Variants in CACNB3 observed in about 807,000 individuals in gnomAD.
CACNB3 encodes calcium voltage-gated channel auxiliary subunit beta 3.
CACNB3 carries 36 observed loss-of-function variants against 63.7 expected under a neutral mutation model. The ratio of observed to expected loss-of-function variants is 0.57; its 90% CI spans 0.43 to 0.75. The LOEUF (loss-of-function observed/expected upper bound fraction) is 0.75, where lower values mean the gene tolerates loss of function less well. Among genes scored for constraint, CACNB3 ranks in the 30% least tolerant of loss-of-function variants. CACNB3 has a pLI of 0.00. For synonymous variants in CACNB3, 241 were observed against 250.6 expected, an observed-to-expected ratio of 0.96 and a Z score of 0.36; for missense variants, 493 against 648.6, an observed-to-expected ratio of 0.76 and a Z score of 2.61.
rs1386388608 is a variant in CACNB3, at chr12:48,827,462, T to C, written c.1141-123T>C. On this transcript the variant is annotated intron_variant, in intron 12 of 12. Coordinates refer to ENST00000301050, the MANE Select transcript of CACNB3 (RefSeq NM_000725.4). ...GAAGAGGAAAAATGCTCCAGCATGC[T>C]TTTTCCTTGCACTATTTCCTTTACC... 7 of 990,846 alleles carry C rather than the reference T, an allele frequency of 7.1e-6. No homozygotes were observed. The East Asian group carries it at 1.8e-4, about 26-fold the overall frequency. The allele number at this position is 990,846 out of a possible 1,614,324, so 61.4% of individuals were successfully genotyped here. A position where few individuals can be genotyped will look rare whatever the true frequency, so the allele number is the denominator to read the frequency against.
Position 48,828,717 on chromosome 12 carries a change from C to G in CACNB3, c.*818C>G, listed in dbSNP as rs1291727669. On this transcript the variant is annotated 3_prime_UTR_variant, in exon 13 of 13. Transcript: ENST00000301050. ...TCTTTTGCCCTGCATCCTGTCATTT[C>G]TGTTCTTGTCCCTCATACATCTTTG... The G allele has an allele frequency of 4.4e-6, 2 of 456,552 alleles. No homozygotes were observed. Among genetic ancestry groups the G allele is most frequent in the Admixed American group, 4.7e-5 (2 of 42,584 alleles). 28.3% of individuals were successfully genotyped at this position (456,552 alleles called of 1,614,324 possible). A position where few individuals can be genotyped will look rare whatever the true frequency, so the allele number is the denominator to read the frequency against.
Position 48,818,659 on chromosome 12 carries a change from A to G in CACNB3, c.-271A>G. On this transcript the variant is annotated 5_prime_UTR_variant, in exon 1 of 13. Coordinates refer to ENST00000301050, the MANE Select transcript of CACNB3 (RefSeq NM_000725.4). This position sits in a 1 kb window ranked among gnomAD's most constrained non-coding sequence, Gnocchi z 4.3. ...GGAGGGGGTCAGGTGGGCGGGCACT[A>G]TTGTTGTAGGAGCCGGCGCCAGATT... 1 of 1,109,820 alleles carries G rather than the reference A, an allele frequency of 9.0e-7. No individual in the cohort carries two copies. The highest frequency in any genetic ancestry group is 1.1e-6 in the Non-Finnish European group (1 of 927,514). 68.7% of individuals were successfully genotyped at this position (1,109,820 alleles called of 1,614,324 possible). A position where few individuals can be genotyped will look rare whatever the true frequency, so the allele number is the denominator to read the frequency against.
Position 48,823,748 on chromosome 12 carries a change from C to T in CACNB3, c.236C>T (p.Pro79Leu). 6.2e-7 allele frequency: 1 copy of T among 1,614,126 alleles called. No homozygotes were observed. The highest frequency in any genetic ancestry group is 8.5e-7 in the Non-Finnish European group (1 of 1,180,014). ...SYCGVLDEECPVQGSGVNFEA... is the reference protein window; with the variant it reads ...SYCGVLDEECLVQGSGVNFEA... Reference sequence around the variant, plus strand: ...TGTGGCGTACTGGATGAGGAGTGCCCAGTCCAGGGCTCTGGAGTCAACTTT... The same window carrying T: ...TGTGGCGTACTGGATGAGGAGTGCCTAGTCCAGGGCTCTGGAGTCAACTTT... Residue 79 changes from proline to leucine, a missense_variant, in exon 3 of 13, where the codon CCA becomes CTA. Transcript: ENST00000301050. The surrounding 1 kb of genome is among the most constrained non-coding windows in gnomAD (Gnocchi z 4.2).
In CACNB3 at chr12:48,826,059, C is replaced by A. The variant is rs908116230; in HGVS notation, c.742+290C>A. Among the ~76,000 whole-genome samples the A allele has an allele frequency of 2.0e-5, 3 of 152,150 alleles. No homozygotes were observed. The highest frequency in any genetic ancestry group is 7.2e-5 in the African/African-American group (3 of 41,436). On this transcript the variant is annotated intron_variant, in intron 9 of 12. Coordinates refer to ENST00000301050, the MANE Select transcript of CACNB3 (RefSeq NM_000725.4). This position sits in a 1 kb window ranked among gnomAD's most constrained non-coding sequence, Gnocchi z 4.8. Reference sequence around the variant, plus strand: ...GGCCAGGCTGGTCTCGAACTCCTGACCTCAAGTGATCGGCCCACCTTGGCC... The same window carrying A: ...GGCCAGGCTGGTCTCGAACTCCTGAACTCAAGTGATCGGCCCACCTTGGCC...
At chr12:48,816,086 T>C (rs1262955589), upstream of CACNB3, among the ~76,000 whole-genome samples, 1 of 152,130 alleles carries the variant, frequency 6.6e-6, no homozygotes, top group Non-Finnish European at 1.5e-5. Flanking sequence ...CTGGTCCAGA[T>C]CTTAAAAACT....
rs776760957 is a variant in CACNB3, at chr12:48,825,103, A to T, written c.493-60A>T. 232 of 1,598,538 alleles carry T rather than the reference A, an allele frequency of 1.5e-4. No individual in the cohort carries two copies. The highest frequency in any genetic ancestry group is 1.3e-4 in the East Asian group (6 of 44,740). On this transcript the variant is annotated intron_variant, in intron 6 of 12. Transcript: ENST00000301050. The surrounding 1 kb of genome is among the most constrained non-coding windows in gnomAD (Gnocchi z 4.5). ...AACCTCTGGATCTGCCCTGACGCCA[A>T]CCAGGCATGAGACAGGCACCAGGGC...
chr12:48,828,283 G>A lies in CACNB3; in HGVS notation c.*384G>A. Reference sequence around the variant, plus strand: ...TAAAGTGACAAAAGGGTGGGGTGTGGGCACCATGGCATGAGGAAGAAACAA... The same window carrying A: ...TAAAGTGACAAAAGGGTGGGGTGTGAGCACCATGGCATGAGGAAGAAACAA... On this transcript the variant is annotated 3_prime_UTR_variant, in exon 13 of 13. Transcript: ENST00000301050. 3.1e-6 allele frequency: 1 copy of A among 322,196 alleles called. No individual in the cohort carries two copies. Among genetic ancestry groups the A allele is most frequent in the Non-Finnish European group, 6.0e-6 (1 of 166,854 alleles). The allele number at this position is 322,196 out of a possible 1,614,324, so 20.0% of individuals were successfully genotyped here. A position where few individuals can be genotyped will look rare whatever the true frequency, so the allele number is the denominator to read the frequency against.
chr12:48,826,476 G>C lies in CACNB3; in HGVS notation c.852G>C (p.Ser284=), dbSNP rs186654716. ...ACCCAGCACAGCTGGCCAAGACCTC[G>C]CTGGCCCCCATCATCGTCTTTGTCA... is the stretch of plus-strand genomic sequence containing the variant. ...INHPAQLAKT[S]LAPIIVFVKV... The change falls in exon 10 of 13, where the codon TCG becomes TCC. Residue 284 remains serine, a synonymous_variant. Coordinates refer to ENST00000301050, the MANE Select transcript of CACNB3 (RefSeq NM_000725.4). The surrounding 1 kb of genome is among the most constrained non-coding windows in gnomAD (Gnocchi z 4.8). The C allele has an allele frequency of 6.2e-7, 1 of 1,614,112 alleles. No individual in the cohort carries two copies. The highest frequency in any genetic ancestry group is 8.5e-7 in the Non-Finnish European group (1 of 1,179,998).
chr12:48,824,069 G>T, intron 3 of CACNB3, 189 bp from the exon 4 acceptor site: 2 of 664,694 alleles, frequency 3.0e-6, no homozygotes, highest in South Asian at 1.9e-5. Flanking sequence ...CAGCTGCAAT[G>T]CCTCACTCAG....
chr12:48,816,412 C>T (rs562984028), upstream of CACNB3, among the ~76,000 whole-genome samples: 12 of 152,296 alleles, frequency 7.9e-5, no homozygotes, highest in African/African-American at 2.4e-4. Context: ...TCCCTTTATG[C>T]CCAGCCATGA....
chr12:48,820,179 G>C (rs1565664829), intron 1 of CACNB3: 1 of 154,318 alleles, frequency 6.5e-6, no homozygotes, highest in Non-Finnish European at 1.4e-5. Flanking sequence ...ATTGCCGCTA[G>C]ATCAGATCAT....
At position 48,823,083 on chromosome 12, in the gene CACNB3, G is replaced by A. The variant is rs931598717; in HGVS notation, c.46-261G>A. Among the ~76,000 whole-genome samples the A allele has an allele frequency of 6.6e-6, 1 of 152,186 alleles. No individual in the cohort carries two copies. The highest frequency in any genetic ancestry group is 2.1e-4 in the South Asian group (1 of 4,834). On this transcript the variant is annotated intron_variant, in intron 1 of 12. Coordinates refer to ENST00000301050, the MANE Select transcript of CACNB3 (RefSeq NM_000725.4). This position sits in a 1 kb window ranked among gnomAD's most constrained non-coding sequence, Gnocchi z 4.2. ...AAAGGGAGGAAAGAGAGAAGTGAAG[G>A]CTCTATTCAAAGCTGCAGTATTAAT...
chr12:48,815,751 GTC>G, upstream of CACNB3: 5 of 1,263,714 alleles, frequency 4.0e-6, no homozygotes, highest in Non-Finnish European at 5.5e-6. Flanking sequence ...GGGGTGTGGG[GTC>G]GTGGGAAGGG....
chr12:48,814,575 G>A, upstream of CACNB3: 1 of 1,506,290 alleles, frequency 6.6e-7, no homozygotes, highest in Non-Finnish European at 8.8e-7. The surrounding 1 kb of genome is among the most constrained non-coding windows in gnomAD (Gnocchi z 6.9). Context: ...CTAGGGTCCC[G>A]GAAGGGCGCG....
Position 48,826,920 on chromosome 12 carries a change from T to TG in CACNB3, c.991-48dup. On this transcript the variant is annotated intron_variant, in intron 11 of 12. Transcript: ENST00000301050. The surrounding 1 kb of genome is among the most constrained non-coding windows in gnomAD (Gnocchi z 4.8). ...GGGCTGCGGCAGTGATAGAGATGGGTGGGGGGCTGCTACTGAGGGGAAACC... is the reference window on the plus strand; with the variant it reads ...GGGCTGCGGCAGTGATAGAGATGGGTGGGGGGGCTGCTACTGAGGGGAAACC... 1.2e-6 allele frequency: 2 copies of TG among 1,612,942 alleles called. No homozygotes were observed.
Position 48,823,746 on chromosome 12 carries a change from C to T in CACNB3, c.234C>T (p.Cys78=), listed in dbSNP as rs778984960. Reference sequence around the variant, plus strand: ...ACTGTGGCGTACTGGATGAGGAGTGCCCAGTCCAGGGCTCTGGAGTCAACT... The same window carrying T: ...ACTGTGGCGTACTGGATGAGGAGTGTCCAGTCCAGGGCTCTGGAGTCAACT... ...VSYCGVLDEE[C]PVQGSGVNFE... The change falls in exon 3 of 13, where the codon TGC becomes TGT. Residue 78 remains cysteine, a synonymous_variant. Coordinates refer to ENST00000301050, the MANE Select transcript of CACNB3 (RefSeq NM_000725.4). This position sits in a 1 kb window ranked among gnomAD's most constrained non-coding sequence, Gnocchi z 4.2. The T allele has an allele frequency of 1.9e-6, 3 of 1,614,094 alleles. No individual in the cohort carries two copies. The South Asian group carries it at 3.3e-5, about 18-fold the overall frequency.
chr12:48,820,338 T>A (rs1270899258), intron 1 of CACNB3: 3 of 152,374 alleles, frequency 2.0e-5, no homozygotes, highest in African/African-American at 7.2e-5. Context: ...AGGCAAGGGC[T>A]ATTGCAAGGA....
At chr12:48,819,511 C>T in intron 1 of CACNB3, 1 of 317,332 alleles carries the variant, frequency 3.2e-6, no homozygotes, top group South Asian at 2.4e-5. Context: ...TCCCTTCCAC[C>T]CCCTCCATCT....
chr12:48,816,562 G>C (rs1726097040), upstream of CACNB3, among the ~76,000 whole-genome samples: 1 of 152,346 alleles, frequency 6.6e-6, no homozygotes, highest in Non-Finnish European at 1.5e-5. Context: ...GCAACCCAGA[G>C]ATATGAGAAG....
Sources: allele counts gnomAD v4.1 joint callset (sites outside exome capture counted in the v4.1 genomes callset), GRCh38; gene constraint gnomAD v4.1.1; non-coding constraint Gnocchi (gnomAD v3.1); transcripts MANE v1.5; gene names NCBI Gene and HGNC (gene_info 2026-07-23, HGNC 2026-07-21).